FHIT: variants seen among roughly 807,000 people sequenced by gnomAD.
FHIT encodes the protein bis(5'-adenosyl)-triphosphatase.
FHIT carries 19 observed loss-of-function variants against 17.9 expected under a neutral mutation model. The observed-to-expected ratio is 1.06, with a 90% CI of 0.74 to 1.56. The LOEUF (loss-of-function observed/expected upper bound fraction) is 1.56, where lower values mean the gene tolerates loss of function less well. Ranked by LOEUF, FHIT falls within the 40% of genes most tolerant of loss-of-function variation. The pLI is 0.00. For missense variants in FHIT, 248 were observed against 189.2 expected, an observed-to-expected ratio of 1.31 and a Z score of -1.82; for synonymous variants, 81 against 69.7, an observed-to-expected ratio of 1.16 and a Z score of -0.81.
intron 3 of FHIT, among the ~76,000 whole-genome samples, chr3:60,911,170 G>T (rs1219735249): frequency 1.3e-5 from 2 of 152,124 alleles, no homozygotes; most frequent in African/African-American, 4.8e-5. Flanking sequence ...GGAACCGGCA[G>T]GGAACAGCCT....
At chr3:59,987,462 G>T (rs539593250) in intron 7 of FHIT, among the ~76,000 whole-genome samples, 3 of 151,986 alleles carry the variant, frequency 2.0e-5, no homozygotes, top group African/African-American at 7.2e-5. Context: ...TCACAATCTT[G>T]TCATTTTCCT....
chr3:60,716,312 A>G (rs1307095263), intron 4 of FHIT, among the ~76,000 whole-genome samples: 1 of 152,046 alleles, frequency 6.6e-6, no homozygotes, highest in Non-Finnish European at 1.5e-5. Flanking sequence ...ACACAAACAC[A>G]TCGTACAGCT....
chr3:61,111,186 C>A (rs1385753180), intron 2 of FHIT, among the ~76,000 whole-genome samples: 1 of 152,302 alleles, frequency 6.6e-6, no homozygotes, highest in East Asian at 1.9e-4. Flanking sequence ...CATTTACCCA[C>A]TTTAAGCCTC....
rs1355036408 is a variant in FHIT at position 59,748,952 on chromosome 3, C to A, written c.*633G>T. Among the ~76,000 whole-genome samples, 7 of 152,116 alleles carry A rather than the reference C, an allele frequency of 4.6e-5. No homozygotes were observed. In the East Asian group the frequency reaches 1.4e-3, roughly 29 times the overall value. Reference sequence around the variant, plus strand: ...GCCTCTGTGCATGTTGAGAATTGTGCAGTTTTGCAGAGTGAGCACCATGAA... The same window carrying A: ...GCCTCTGTGCATGTTGAGAATTGTGAAGTTTTGCAGAGTGAGCACCATGAA... On this transcript the variant is annotated 3_prime_UTR_variant, in exon 10 of 10. Transcript: ENST00000492590.
intron 8 of FHIT, among the ~76,000 whole-genome samples, chr3:59,871,684 G>C (rs1397122545): frequency 2.6e-5 from 4 of 152,188 alleles, no homozygotes; most frequent in Admixed American, 1.3e-4. Context: ...AAGAGTCTTT[G>C]AGAGATTAGC....
At chr3:60,138,003 T>C (rs893735536) in intron 5 of FHIT, among the ~76,000 whole-genome samples, 2 of 152,214 alleles carry the variant, frequency 1.3e-5, no homozygotes, top group Non-Finnish European at 2.9e-5. Flanking sequence ...TGCAGGGCTA[T>C]TCAATTGTCT....
rs191658489 is a variant in FHIT at position 61,046,447 on chromosome 3, T to A, written c.-163-4348A>T. Among the ~76,000 whole-genome samples the A allele has an allele frequency of 5.3e-5, 8 of 152,158 alleles. No individual in the cohort carries two copies. The East Asian group carries it at 1.5e-3, about 29-fold the overall frequency. ...CTCCCAAGACTAAACCAAAAAGAAG[T>A]TGAATCTCTGAATAGACCAATAACA... is the stretch of plus-strand genomic sequence containing the variant. On this transcript the variant is annotated intron_variant, in intron 2 of 9. Coordinates refer to ENST00000492590, the MANE Select transcript of FHIT (RefSeq NM_002012.4).
At chr3:60,544,247 CT>C (rs201738275) in intron 4 of FHIT, among the ~76,000 whole-genome samples, 11 of 150,070 alleles carry the variant, frequency 7.3e-5, no homozygotes, top group African/African-American at 1.5e-4. Flanking sequence ...GTTTAAACTT[CT>C]TTTTTTTTGT....
At chr3:60,436,387 G>A (rs1429411051) in intron 5 of FHIT, among the ~76,000 whole-genome samples, 1 of 152,050 alleles carries the variant, frequency 6.6e-6, no homozygotes, top group Admixed American at 6.6e-5. Context: ...TCAATGATAG[G>A]CATTCAGATT....
chr3:60,631,075 A>G (rs1294991732), intron 4 of FHIT, among the ~76,000 whole-genome samples: 3 of 152,054 alleles, frequency 2.0e-5, no homozygotes, highest in African/African-American at 7.2e-5. Flanking sequence ...ATAACTTTGA[A>G]GATTTTATTT....
chr3:60,635,520 A>C (rs912573523), intron 4 of FHIT, among the ~76,000 whole-genome samples: 1 of 152,156 alleles, frequency 6.6e-6, no homozygotes, highest in Admixed American at 6.5e-5. Context: ...TTGTCTTCAT[A>C]GTTTTATAGG....
At chr3:60,644,694 T>C (rs2039812529) in intron 4 of FHIT, among the ~76,000 whole-genome samples, 1 of 152,180 alleles carries the variant, frequency 6.6e-6, no homozygotes, top group African/African-American at 2.4e-5. Flanking sequence ...TCACAGGTAA[T>C]GGGCAGTTCT....
At chr3:60,130,421 T>C (rs979257441) in intron 5 of FHIT, among the ~76,000 whole-genome samples, 5 of 152,280 alleles carry the variant, frequency 3.3e-5, no homozygotes, top group Admixed American at 3.3e-4. Flanking sequence ...GCCACGGTTA[T>C]CCTCATTATG....
Position 60,030,888 on chromosome 3 carries a change from G to T in FHIT, c.104-16736C>A, listed in dbSNP as rs79552122. Among the ~76,000 whole-genome samples the T allele has an allele frequency of 8.5e-5, 13 of 152,270 alleles. No individual in the cohort carries two copies. In the East Asian group the frequency reaches 2.5e-3, roughly 29 times the overall value. The stretch of plus-strand genomic sequence containing the variant: ...GCTAAAACTATTATTTTAGTAAGTA[G>T]AGAGTAGAAAAAATAACTGTTATTT... On this transcript the variant is annotated intron_variant, in intron 5 of 9. Transcript: ENST00000492590.
chr3:60,694,687 G>C (rs1553700208), intron 4 of FHIT, among the ~76,000 whole-genome samples: 1 of 152,154 alleles, frequency 6.6e-6, no homozygotes, highest in African/African-American at 2.4e-5. Flanking sequence ...ATGATAGACT[G>C]GATTAAGAAA....
intron 5 of FHIT, among the ~76,000 whole-genome samples, chr3:60,053,393 A>G (rs530467929): frequency 2.0e-5 from 3 of 147,720 alleles, no homozygotes; most frequent in Non-Finnish European, 4.5e-5. Flanking sequence ...AATGTCTGTC[A>G]CATACGAGAT....
At chr3:60,291,379 A>G (rs569208678) in intron 5 of FHIT, among the ~76,000 whole-genome samples, 1 of 152,028 alleles carries the variant, frequency 6.6e-6, no homozygotes, top group African/African-American at 2.4e-5. Context: ...CCTCCACCCT[A>G]ATCTTTTATT....
rs1489678820 is a variant in FHIT at position 59,831,195 on chromosome 3, T to C, written c.349-78874A>G. Among the ~76,000 whole-genome samples, 9 of 152,170 alleles carry C rather than the reference T, an allele frequency of 5.9e-5. No individual in the cohort carries two copies. In the East Asian group the frequency reaches 1.5e-3, roughly 26 times the overall value. ...CAATGAATGTGAACCATTTATGCTA[T>C]ACAGCATTATTACTGATATGAAGTA... On this transcript the variant is annotated intron_variant, in intron 8 of 9. Transcript: ENST00000492590.
intron 8 of FHIT, among the ~76,000 whole-genome samples, chr3:59,804,267 G>A (rs555308145): frequency 4.6e-5 from 7 of 152,276 alleles, no homozygotes; most frequent in Admixed American, 2.6e-4. Context: ...ACTGCCAGGC[G>A]TCGGTCAAGT....
Sources: allele counts gnomAD v4.1 joint callset (sites outside exome capture counted in the v4.1 genomes callset), GRCh38; gene constraint gnomAD v4.1.1; transcripts MANE v1.5; gene names NCBI Gene and HGNC (gene_info 2026-07-23, HGNC 2026-07-21).